Variants in TRDN observed in about 807,000 individuals in gnomAD.
TRDN encodes triadin, also known as triadin in skeletal muscle.
Under a neutral mutation model 149.7 loss-of-function variants are expected in TRDN, and 161 were observed. The observed-to-expected ratio is 1.08, with a 90% confidence interval of 0.95 to 1.23. The LOEUF is 1.23. TRDN is among the 50% of genes most tolerant of loss of function. TRDN has a pLI of 0.00. For missense variants in TRDN, 896 were observed against 823.5 expected (o/e 1.09, Z -1.08); for synonymous variants, 294 against 250.5 (o/e 1.17, Z -1.64).
intron 1 of TRDN, among the ~76,000 whole-genome samples, chr6:123,611,205 A>G (rs1181921086): frequency 6.6e-6 from 1 of 152,170 alleles, no homozygotes; most frequent in African/African-American, 2.4e-5. Flanking sequence ...TAAAACCTCA[A>G]TGTATAAAAA....
chr6:123,570,812 G>T, intron 2 of TRDN, 111 bp downstream of exon 2: 1 of 928,996 alleles, frequency 1.1e-6, no homozygotes, highest in Non-Finnish European at 1.6e-6. Flanking sequence ...TTTGTGGGGT[G>T]TTTCTTCCTC....
intron 9 of TRDN, among the ~76,000 whole-genome samples, chr6:123,484,472 TAATA>T: frequency 6.6e-6 from 1 of 152,316 alleles, no homozygotes; most frequent in African/African-American, 2.4e-5. Flanking sequence ...CATGGTGCAT[TAATA>T]AATAACACAT....
At chr6:123,289,080 GTA>G (rs908078858) in intron 24 of TRDN, among the ~76,000 whole-genome samples, 22 of 143,630 alleles carry the variant, frequency 1.5e-4, no homozygotes, top group East Asian at 1.4e-3. Context: ...TATGTATAGT[GTA>G]TATATATATA....
chr6:123,503,805 T>G lies in TRDN; in HGVS notation c.707A>C (p.Lys236Thr), dbSNP rs767773106. ...TGGTGTTTTCTGTACTTCTTTTACT[T>G]TTGCAGCTGTTTGCTTCACTTTCTC... The part of the protein sequence containing the change: ...KQEKVKQTAA[K>T]VKEVQKTPSK... Residue 236 changes from lysine (K) to threonine (T), a missense_variant, in exon 8 of 41, where the codon AAA becomes ACA. By Grantham distance (78) the Lys-to-Thr change is moderately conservative. Transcript: ENST00000334268. 2 of 1,611,724 alleles carry G rather than the reference T, an allele frequency of 1.2e-6. No individual in the cohort carries two copies. The highest frequency in any genetic ancestry group is 1.7e-6 in the Non-Finnish European group (2 of 1,178,734).
intron 37 of TRDN, among the ~76,000 whole-genome samples, chr6:123,253,423 C>A (rs1341219623): frequency 1.3e-5 from 2 of 151,908 alleles, no homozygotes; most frequent in Non-Finnish European, 2.9e-5. Flanking sequence ...TAGGTTATTC[C>A]TATTAAAAAA....
chr6:123,408,195 G>A (rs1773274439), intron 12 of TRDN, among the ~76,000 whole-genome samples: 1 of 152,150 alleles, frequency 6.6e-6, no homozygotes, highest in African/African-American at 2.4e-5. Flanking sequence ...AATACCATGT[G>A]TTTAGTGCTA....
chr6:123,293,396 CA>C (rs941550062), intron 24 of TRDN, among the ~76,000 whole-genome samples: 1 of 152,118 alleles, frequency 6.6e-6, no homozygotes, highest in Non-Finnish European at 1.5e-5. Flanking sequence ...GTTAATGACA[CA>C]ACAGCAGAAG....
At chr6:123,267,993 T>C (rs1777072050) in intron 31 of TRDN, among the ~76,000 whole-genome samples, 1 of 152,150 alleles carries the variant, frequency 6.6e-6, no homozygotes, top group Non-Finnish European at 1.5e-5. Context: ...ATTAGGGTTT[T>C]ATCCCTTTGG....
chr6:123,636,668 TAA>T, intron 1 of TRDN, 84 bp downstream of exon 1: 1 of 1,512,354 alleles, frequency 6.6e-7, no homozygotes, highest in Admixed American at 1.7e-5. Context: ...AGCAACATTT[TAA>T]ATGGACACAT....
At chr6:123,372,096 C>G (rs759810122) in intron 19 of TRDN, among the ~76,000 whole-genome samples, 1 of 152,032 alleles carries the variant, frequency 6.6e-6, no homozygotes, top group Non-Finnish European at 1.5e-5. Context: ...CATTTTATAT[C>G]AAGCATGCTG....
At chr6:123,609,648 A>G (rs542741786) in intron 1 of TRDN, among the ~76,000 whole-genome samples, 22 of 152,268 alleles carry the variant, frequency 1.4e-4, no homozygotes, top group African/African-American at 5.3e-4. Context: ...TTCTTCTCCA[A>G]ACTGACTTGA....
chr6:123,230,461 C>A (rs1775557214), intron 38 of TRDN, among the ~76,000 whole-genome samples: 1 of 151,656 alleles, frequency 6.6e-6, no homozygotes, highest in Non-Finnish European at 1.5e-5. Context: ...GGGTGCAGCA[C>A]ACCAACATGG....
At chr6:123,474,624 T>A (rs1313654011) in intron 9 of TRDN, among the ~76,000 whole-genome samples, 4 of 152,022 alleles carry the variant, frequency 2.6e-5, no homozygotes, top group Non-Finnish European at 4.4e-5. Flanking sequence ...GAATATACAT[T>A]TTTTTCAGCA....
chr6:123,464,419 C>T (rs1289408473), intron 10 of TRDN: 1 of 958,916 alleles, frequency 1.0e-6, no homozygotes, highest in Non-Finnish European at 1.2e-6. Flanking sequence ...TTTCAATCCT[C>T]ACAATAACGC....
chr6:123,303,955 A>G (rs1778515996), intron 24 of TRDN, among the ~76,000 whole-genome samples: 1 of 152,156 alleles, frequency 6.6e-6, no homozygotes, highest in Non-Finnish European at 1.5e-5. Flanking sequence ...AAAAAAATGG[A>G]GAGAATAAAT....
Position 123,541,946 on chromosome 6 carries a change from C to T in TRDN, c.424+5394G>A, listed in dbSNP as rs143676425. 1.8e-4 allele frequency among the ~76,000 whole-genome samples: 28 copies of T among 152,266 alleles called. 2 individuals are homozygous for T. Among genetic ancestry groups the T allele is most frequent in the African/African-American group, 6.5e-4 (27 of 41,562 alleles). On this transcript the variant is annotated intron_variant, in intron 4 of 40. Coordinates refer to ENST00000334268, the MANE Select transcript of TRDN (RefSeq NM_006073.4). ...ATACAACCTTCTGAATGGCCTAATC[C>T]TAAAGTCTTGAATATTTATGATGCT...
At chr6:123,278,915 T>A (rs1490586490) in intron 25 of TRDN, 141 bp downstream of exon 25, 2 of 640,714 alleles carry the variant, frequency 3.1e-6, no homozygotes, top group Non-Finnish European at 4.8e-6. Flanking sequence ...ATGAGTACAT[T>A]GTCTACACAA....
intron 1 of TRDN, among the ~76,000 whole-genome samples, chr6:123,573,908 T>G (rs1032294774): frequency 6.6e-6 from 1 of 152,152 alleles, no homozygotes; most frequent in Middle Eastern, 3.4e-3. Flanking sequence ...GAAATAACAC[T>G]GCCAGCAAAA....
intron 12 of TRDN, among the ~76,000 whole-genome samples, chr6:123,432,474 C>G (rs4348340): frequency 0.55 from 82,951 of 151,446 alleles, 23,177 homozygotes; most frequent in East Asian, 0.86. Flanking sequence ...ACTCATCAAA[C>G]TATAATTTCT....
Sources: allele counts gnomAD v4.1 joint callset (sites outside exome capture counted in the v4.1 genomes callset), GRCh38; gene constraint gnomAD v4.1.1; transcripts MANE v1.5; gene names NCBI Gene and HGNC (gene_info 2026-07-23, HGNC 2026-07-21).